SORCS3: variants seen among roughly 807,000 people sequenced by gnomAD.
SORCS3 encodes sortilin related VPS10 domain containing receptor 3.
SORCS3 carries 57 observed loss-of-function variants against 146.3 expected under a neutral mutation model. The observed-to-expected ratio is 0.39, with a 90% CI of 0.31 to 0.49. SORCS3 has a LOEUF of 0.49. Ranked by LOEUF, SORCS3 falls within the 20% of genes least tolerant of loss-of-function variation. The pLI, the probability that SORCS3 is intolerant of heterozygous loss-of-function variation, is 0.92. For synonymous variants in SORCS3, 653 were observed against 618.5 expected (o/e 1.06, Z -0.83); for missense variants, 1,341 against 1,575.5 (o/e 0.85, Z 2.52).
rs1054808076 is a variant in SORCS3, at chr10:105,139,637, G to A, written c.1302+151G>A. The A allele has an allele frequency of 6.4e-5, 38 of 592,878 alleles. No individual in the cohort carries two copies. The African/African-American group carries it at 6.5e-4, about 10-fold the overall frequency. The allele number at this position is 592,878 out of a possible 1,614,324, so 36.7% of individuals were successfully genotyped here. On this transcript the variant is annotated intron_variant, in intron 8 of 26. Coordinates refer to ENST00000369701, the MANE Select transcript of SORCS3 (RefSeq NM_014978.3). ...CCACCAAGTCGTTTGGCCTCCCTTAGTGGTGCACAACCTGGATTCTGTATT... is the reference window on the plus strand; with the variant it reads ...CCACCAAGTCGTTTGGCCTCCCTTAATGGTGCACAACCTGGATTCTGTATT...
At chr10:105,214,365 A>ACACACACACAC in intron 17 of SORCS3, 77 bp from the exon 18 acceptor site, 2 of 1,433,094 alleles carry the variant, frequency 1.4e-6, no homozygotes, top group Non-Finnish European at 9.7e-7. Context: ...TTCCCTTTAT[A>ACACACACACAC]ACACACACAC....
intron 3 of SORCS3, among the ~76,000 whole-genome samples, chr10:104,975,783 C>G (rs1190305433): frequency 6.6e-6 from 1 of 152,174 alleles, no homozygotes; most frequent in African/African-American, 2.4e-5. Context: ...TGATTTTTGA[C>G]AAACCTGAGA....
At chr10:104,830,147 G>T (rs946709595) in intron 1 of SORCS3, among the ~76,000 whole-genome samples, 1 of 152,144 alleles carries the variant, frequency 6.6e-6, no homozygotes, top group Non-Finnish European at 1.5e-5. Flanking sequence ...GTGAGAACAT[G>T]CAGTGTTTGG....
At chr10:104,735,204 T>A (rs2016753703) in intron 1 of SORCS3, among the ~76,000 whole-genome samples, 1 of 152,088 alleles carries the variant, frequency 6.6e-6, no homozygotes, top group African/African-American at 2.4e-5. Context: ...GCCGGGCTGC[T>A]CCCAGGGAAG....
At chr10:105,170,364 C>T (rs1351468532) in intron 13 of SORCS3, among the ~76,000 whole-genome samples, 1 of 151,834 alleles carries the variant, frequency 6.6e-6, no homozygotes, top group Admixed American at 6.6e-5. Context: ...TTGAGTTTTC[C>T]CTTGTTCAAT....
At chr10:105,154,427 G>A (rs1253566587) in intron 9 of SORCS3, among the ~76,000 whole-genome samples, 5 of 152,174 alleles carry the variant, frequency 3.3e-5, no homozygotes, top group Admixed American at 2.6e-4. Context: ...TTCCGCCAAG[G>A]GGCCTGCTGT....
At position 104,977,287 on chromosome 10, in the gene SORCS3, T is replaced by A. The variant is rs751596425; in HGVS notation, c.796-48T>A. On this transcript the variant is annotated intron_variant, in intron 3 of 26. Transcript: ENST00000369701. ...TTATGATTAAAGTTATTATATTTAT[T>A]ATTTCCTACTAACTCTGTCTGTATA... is the stretch of plus-strand genomic sequence containing the variant. 3 of 1,425,700 alleles carry A rather than the reference T, an allele frequency of 2.1e-6. No homozygotes were observed. The African/African-American group carries it at 4.3e-5, about 20-fold the overall frequency. 88.3% of individuals were successfully genotyped at this position (1,425,700 alleles called of 1,614,324 possible).
At chr10:104,664,413 GA>G (rs1395293972) in intron 1 of SORCS3, among the ~76,000 whole-genome samples, 4 of 152,198 alleles carry the variant, frequency 2.6e-5, no homozygotes, top group Admixed American at 6.5e-5. Context: ...CACTGAGTTA[GA>G]ATGTTAGAGA....
chr10:105,041,497 A>G (rs1406115576), intron 4 of SORCS3, among the ~76,000 whole-genome samples: 2 of 150,062 alleles, frequency 1.3e-5, no homozygotes, highest in Non-Finnish European at 3.0e-5. Flanking sequence ...ATACATATAT[A>G]CCTACATACA....
At chr10:105,130,210 G>T (rs567002589) in intron 7 of SORCS3, among the ~76,000 whole-genome samples, 3 of 152,184 alleles carry the variant, frequency 2.0e-5, no homozygotes, top group East Asian at 3.9e-4. Context: ...CTTGTACAAG[G>T]TCACCAAACC....
chr10:105,170,973 G>A (rs1564774363), intron 13 of SORCS3, among the ~76,000 whole-genome samples: 1 of 152,064 alleles, frequency 6.6e-6, no homozygotes, highest in African/African-American at 2.4e-5. Context: ...AGGAAGATAG[G>A]TTAGGTAATC....
At chr10:104,925,088 T>C (rs2019128242) in intron 3 of SORCS3, among the ~76,000 whole-genome samples, 1 of 152,134 alleles carries the variant, frequency 6.6e-6, no homozygotes, top group African/African-American at 2.4e-5. Flanking sequence ...GGCCCCAGTG[T>C]GTGATGTTCC....
chr10:105,256,883 A>G lies in SORCS3; in HGVS notation c.3402A>G (p.Val1134=). 6.2e-7 allele frequency: 1 copy of G among 1,614,106 alleles called. No individual in the cohort carries two copies. The highest frequency in any genetic ancestry group is 8.5e-7 in the Non-Finnish European group (1 of 1,179,984). ...SSAMLMLLSV[V]FVGLAVFLIY... Reference sequence around the variant, plus strand: ...CCATGCTTATGCTATTATCAGTGGTATTTGTTGGCCTGGCTGTGTTTTTGA... The same window carrying G: ...CCATGCTTATGCTATTATCAGTGGTGTTTGTTGGCCTGGCTGTGTTTTTGA... The change falls in exon 25 of 27, where the codon GTA becomes GTG. Residue 1134 remains valine, a synonymous_variant. Coordinates refer to ENST00000369701, the MANE Select transcript of SORCS3 (RefSeq NM_014978.3).
At chr10:104,986,451 T>A (rs1454306240) in intron 4 of SORCS3, among the ~76,000 whole-genome samples, 1 of 152,204 alleles carries the variant, frequency 6.6e-6, no homozygotes. Flanking sequence ...AATTTTCTTA[T>A]CATTTGTGTG....
At chr10:105,042,136 C>G (rs2055342317) in intron 4 of SORCS3, among the ~76,000 whole-genome samples, 1 of 152,190 alleles carries the variant, frequency 6.6e-6, no homozygotes, top group South Asian at 2.1e-4. Context: ...TCCCTGCCCC[C>G]TTATGACTCA....
chr10:104,685,655 A>G (rs1205224594), intron 1 of SORCS3, among the ~76,000 whole-genome samples: 1 of 152,216 alleles, frequency 6.6e-6, no homozygotes, highest in Non-Finnish European at 1.5e-5. Flanking sequence ...TAAGCCCTTA[A>G]AAAAACTTAC....
At chr10:104,767,423 G>A (rs907963942) in intron 1 of SORCS3, among the ~76,000 whole-genome samples, 7 of 152,120 alleles carry the variant, frequency 4.6e-5, no homozygotes, top group African/African-American at 9.7e-5. Context: ...TTAAGATACA[G>A]GCTAAGCCTT....
At chr10:104,735,660 C>T (rs942757513) in intron 1 of SORCS3, among the ~76,000 whole-genome samples, 4 of 151,782 alleles carry the variant, frequency 2.6e-5, no homozygotes, top group African/African-American at 4.8e-5. Flanking sequence ...TTAATGAAAG[C>T]GGCTGCTGAG....
At chr10:104,726,494 A>G (rs2016635589) in intron 1 of SORCS3, among the ~76,000 whole-genome samples, 1 of 152,022 alleles carries the variant, frequency 6.6e-6, no homozygotes, top group Non-Finnish European at 1.5e-5. Flanking sequence ...GGGAAGTCTG[A>G]CCTAAACCCC....
Sources: allele counts gnomAD v4.1 joint callset (sites outside exome capture counted in the v4.1 genomes callset), GRCh38; gene constraint gnomAD v4.1.1; transcripts MANE v1.5; gene names NCBI Gene and HGNC (gene_info 2026-07-23, HGNC 2026-07-21).